Variants in PRKCE observed in about 807,000 individuals in gnomAD.
PRKCE encodes the protein protein kinase C epsilon type.
PRKCE carries 16 observed loss-of-function variants against 85.4 expected under a neutral mutation model. The ratio of observed to expected loss-of-function variants is 0.19; its 90% confidence interval spans 0.13 to 0.28. PRKCE has a LOEUF of 0.28. Among genes scored for constraint, PRKCE ranks in the 10% least tolerant of loss-of-function variants. PRKCE has a pLI of 1.00. For synonymous variants in PRKCE, 388 were observed against 371.5 expected, an observed-to-expected ratio of 1.04 and a Z score of -0.51; for missense variants, 573 against 975.2, an observed-to-expected ratio of 0.59 and a Z score of 5.49.
At chr2:45,726,471 C>T (rs987568505) in intron 1 of PRKCE, among the ~76,000 whole-genome samples, 1 of 152,150 alleles carries the variant, frequency 6.6e-6, no homozygotes, top group African/African-American at 2.4e-5. Context: ...AAGATTACAA[C>T]GTGTGCTAAA....
intron 1 of PRKCE, among the ~76,000 whole-genome samples, chr2:45,682,123 C>G (rs1272107437): frequency 6.6e-6 from 1 of 152,084 alleles, no homozygotes; most frequent in African/African-American, 2.4e-5. Context: ...AAATTTTTTA[C>G]AAACAGCTTT....
chr2:45,773,595 G>A (rs1029872304), intron 1 of PRKCE, among the ~76,000 whole-genome samples: 1 of 152,220 alleles, frequency 6.6e-6, no homozygotes, highest in African/African-American at 2.4e-5. Flanking sequence ...TTACTCCTGG[G>A]CCTCCCTTCT....
intron 1 of PRKCE, among the ~76,000 whole-genome samples, chr2:45,810,464 A>G (rs1441184264): frequency 6.6e-6 from 1 of 152,252 alleles, no homozygotes. Flanking sequence ...TAGCTGGTTC[A>G]AAGAAGGACT....
intron 2 of PRKCE, among the ~76,000 whole-genome samples, chr2:45,872,878 A>G (rs1573696032): frequency 6.6e-6 from 1 of 152,282 alleles, no homozygotes; most frequent in South Asian, 2.1e-4. Context: ...GCAGATGTAA[A>G]TTGAGTCATG....
chr2:45,843,179 C>A, intron 2 of PRKCE, 116 bp downstream of exon 2: 1 of 915,166 alleles, frequency 1.1e-6, no homozygotes, highest in Non-Finnish European at 1.7e-6. Flanking sequence ...TAATTGGCAT[C>A]CTTTAAAGGA....
At chr2:45,959,901 G>A (rs928435831) in intron 2 of PRKCE, among the ~76,000 whole-genome samples, 9 of 152,002 alleles carry the variant, frequency 5.9e-5, no homozygotes, top group East Asian at 1.9e-4. Flanking sequence ...TTAATTTTCC[G>A]GGTTTTATTT....
intron 14 of PRKCE, among the ~76,000 whole-genome samples, chr2:46,181,597 C>T (rs78524452): frequency 3.9e-5 from 6 of 152,286 alleles, no homozygotes; most frequent in East Asian, 1.9e-4. Flanking sequence ...AACAGCAAGT[C>T]GTGAAATTCA....
chr2:45,852,626 GGT>G (rs1692364556), intron 2 of PRKCE, among the ~76,000 whole-genome samples: 1 of 152,194 alleles, frequency 6.6e-6, no homozygotes, highest in African/African-American at 2.4e-5. Context: ...CACGGAGAGG[GGT>G]GATACTCAGG....
chr2:45,971,734 T>C (rs1381092825), intron 2 of PRKCE, among the ~76,000 whole-genome samples: 1 of 152,252 alleles, frequency 6.6e-6, no homozygotes, highest in African/African-American at 2.4e-5. Context: ...TCACCTGTAA[T>C]TCCACCAGTG....
chr2:45,766,864 A>G (rs1441889581), intron 1 of PRKCE, among the ~76,000 whole-genome samples: 3 of 152,136 alleles, frequency 2.0e-5, no homozygotes, highest in Non-Finnish European at 4.4e-5. Context: ...ACACGGTGAA[A>G]CCCCATCTCT....
rs754961013 is a variant in PRKCE at position 45,716,572 on chromosome 2, G to A, written c.348+64124G>A. Among the ~76,000 whole-genome samples the A allele has an allele frequency of 1.9e-4, 29 of 149,290 alleles. 1 individual carries two copies. In the Middle Eastern group the frequency reaches 0.01, roughly 53 times the overall value. ...AAGAAAGGAAGAAAAAGAAAGAAAG[G>A]AAGAAAGGAAGAAAGGAAGGAAGGA... is the stretch of plus-strand genomic sequence containing the variant. On this transcript the variant is annotated intron_variant, in intron 1 of 14. Coordinates refer to ENST00000306156, the MANE Select transcript of PRKCE (RefSeq NM_005400.3).
At chr2:45,837,108 G>A (rs549538971) in intron 1 of PRKCE, among the ~76,000 whole-genome samples, 1 of 152,316 alleles carries the variant, frequency 6.6e-6, no homozygotes, top group South Asian at 2.1e-4. Flanking sequence ...TGGATCACGG[G>A]GGGCTGACAG....
In PRKCE at chr2:46,086,208, G is replaced by A. The variant is rs200783710; in HGVS notation, c.1438G>A (p.Asp480Asn). 1 of 1,599,482 alleles carries A rather than the reference G, an allele frequency of 6.3e-7. No homozygotes were observed. Among genetic ancestry groups the A allele is most frequent in the African/African-American group, 1.3e-5 (1 of 74,972 alleles). ...ATGGCATTTTCTTCTCTCCTTTCAG[G>A]ACCGCCTCTTTTTCGTCATGGAATA... Reference protein sequence around the residue: ...TQLYCCFQTKDRLFFVMEYVN... With the variant: ...TQLYCCFQTKNRLFFVMEYVN... The change falls in exon 11 of 15, where the codon GAC becomes AAC. Residue 480 changes from aspartate (D) to asparagine (N), a missense_variant and splice_region_variant. Physicochemically the swap from Asp to Asn is conservative, Grantham distance 23. Around this residue, in one of 11 missense-constraint regions of PRKCE, gnomAD observed 89 missense variants for 154.1 expected, o/e 0.58. Transcript: ENST00000306156.
intron 10 of PRKCE, among the ~76,000 whole-genome samples, chr2:46,071,382 G>C (rs1055232238): frequency 6.6e-6 from 1 of 152,216 alleles, no homozygotes; most frequent in Admixed American, 6.5e-5. Flanking sequence ...CAATTTTTAA[G>C]GGGTAGGCAG....
intron 10 of PRKCE, among the ~76,000 whole-genome samples, chr2:46,079,612 A>C (rs1668878260): frequency 1.3e-5 from 2 of 152,228 alleles, no homozygotes; most frequent in African/African-American, 4.8e-5. Context: ...CAGCATATCA[A>C]GTATGGGCTG....
intron 11 of PRKCE, among the ~76,000 whole-genome samples, chr2:46,122,881 G>GT (rs1244942634): frequency 0.37 from 42,762 of 117,076 alleles, 8,625 homozygotes; most frequent in African/African-American, 0.49. Context: ...AACAGTCTGG[G>GT]TTTTTTTTTT....
rs978932718 is a variant in PRKCE at position 45,696,125 on chromosome 2, AT to A, written c.348+43688del. ...CACAACAGTCCCCAGAGTGTGAGAAATTTTTTTTTTTGTAGAACAGGGGTCT... is the reference window on the plus strand; with the variant it reads ...CACAACAGTCCCCAGAGTGTGAGAAATTTTTTTTTTGTAGAACAGGGGTCT... On this transcript the variant is annotated intron_variant, in intron 1 of 14. Transcript: ENST00000306156. Among the ~76,000 whole-genome samples the A allele has an allele frequency of 5.4e-4, 60 of 111,294 alleles. 1 individual carries two copies. Among genetic ancestry groups the A allele is most frequent in the Admixed American group, 1.4e-3 (12 of 8,634 alleles). The allele number at this position is 111,294 out of a possible 152,430, so 73.0% of individuals were successfully genotyped here. A position where few individuals can be genotyped will look rare whatever the true frequency, so the allele number is the denominator to read the frequency against.
chr2:45,664,520 C>A (rs968462588), intron 1 of PRKCE, among the ~76,000 whole-genome samples: 2 of 152,182 alleles, frequency 1.3e-5, no homozygotes, highest in South Asian at 2.1e-4. Context: ...CCAGTAAAAC[C>A]TTTCCAGTCC....
chr2:45,824,200 T>G (rs1195648051), intron 1 of PRKCE, among the ~76,000 whole-genome samples: 1 of 152,264 alleles, frequency 6.6e-6, no homozygotes, highest in Non-Finnish European at 1.5e-5. Flanking sequence ...TCAGCAGGAC[T>G]GTTCTGTTGT....
Sources: gnomAD v4.1 joint callset for allele counts (sites outside exome capture counted in the v4.1 genomes callset) on GRCh38, gnomAD v4.1.1 for gene constraint, gnomAD v4.1.1 regional missense constraint, MANE v1.5 for transcripts, NCBI Gene and HGNC (gene_info 2026-07-23, HGNC 2026-07-21) for gene names.